The following ANKRD17 variants were observed in gnomAD, a reference collection of about 807,000 sequenced individuals.
The protein encoded by ANKRD17 is ankyrin repeat domain-containing protein 17.
A neutral mutation model predicts 229.7 loss-of-function variants in ANKRD17; 19 were observed. The observed-to-expected ratio is 0.08, with a 90% confidence interval of 0.06 to 0.12. ANKRD17 has a LOEUF of 0.12. Ranked by LOEUF, ANKRD17 falls within the 10% of genes least tolerant of loss-of-function variation. The pLI, the probability that ANKRD17 is intolerant of heterozygous loss-of-function variation, is 1.00. For missense variants in ANKRD17, 2,176 were observed against 3,176.8 expected, an observed-to-expected ratio of 0.68 and a Z score of 7.57; for synonymous variants, 1,112 against 1,146.1, an observed-to-expected ratio of 0.97 and a Z score of 0.60.
At chr4:73,252,748 G>C (rs1483384947) in intron 1 of ANKRD17, among the ~76,000 whole-genome samples, 2 of 152,046 alleles carry the variant, frequency 1.3e-5, no homozygotes. Context: ...CAAGGAATAA[G>C]TGGTAAATCG....
In ANKRD17 at chr4:73,139,589, C is replaced by T; in HGVS notation, c.3027G>A (p.Gly1009=). The change falls in exon 15 of 34, where the codon GGG becomes GGA. Residue 1009 remains glycine, a synonymous_variant. Transcript: ENST00000358602. ...TCTGAGCAGGGCTGGCTACCATTAA[C>T]CCTTGTTGTGTTTCTGTCAGAATTC... ...GQGILTETQQ[G]LMVASPAQTL... 6.2e-7 allele frequency: 1 copy of T among 1,614,174 alleles called. No homozygotes were observed. Among genetic ancestry groups the T allele is most frequent in the African/African-American group, 1.3e-5 (1 of 75,054 alleles).
chr4:73,079,315 A>G (rs1256353692), intron 30 of ANKRD17, among the ~76,000 whole-genome samples: 1 of 152,224 alleles, frequency 6.6e-6, no homozygotes, highest in East Asian at 1.9e-4. Flanking sequence ...AAAGAGATTC[A>G]GCTATCTAAT....
At chr4:73,102,899 C>G (rs1724180716) in intron 24 of ANKRD17, 1 of 198,572 alleles carries the variant, frequency 5.0e-6, no homozygotes, top group Non-Finnish European at 1.0e-5. Context: ...GTTTGAGAAA[C>G]TGAATTCTCT....
At chr4:73,244,101 C>T (rs748812689) in intron 1 of ANKRD17, among the ~76,000 whole-genome samples, 53 of 152,176 alleles carry the variant, frequency 3.5e-4, no homozygotes, top group South Asian at 8.3e-4. Flanking sequence ...CATGTATCTC[C>T]GGTGTCCTGT....
intron 1 of ANKRD17, among the ~76,000 whole-genome samples, chr4:73,178,812 C>T (rs1239728608): frequency 6.6e-6 from 1 of 151,798 alleles, no homozygotes; most frequent in Non-Finnish European, 1.5e-5. Flanking sequence ...TTTGATATTC[C>T]CTATCACAGT....
At chr4:73,149,501 A>G (rs1730717910) in intron 7 of ANKRD17, among the ~76,000 whole-genome samples, 1 of 152,208 alleles carries the variant, frequency 6.6e-6, no homozygotes, top group South Asian at 2.1e-4. Context: ...GGGGAAGGAT[A>G]CATGCTGTGT....
intron 1 of ANKRD17, among the ~76,000 whole-genome samples, chr4:73,243,548 G>T (rs1045421301): frequency 1.3e-5 from 2 of 152,290 alleles, no homozygotes; most frequent in East Asian, 3.9e-4. Context: ...GCTGGTTCAA[G>T]AATGGACACA....
intron 1 of ANKRD17, among the ~76,000 whole-genome samples, chr4:73,226,292 G>A (rs1198922650): frequency 6.7e-6 from 1 of 148,336 alleles, no homozygotes; most frequent in Non-Finnish European, 1.5e-5. Context: ...TTGATTAAAT[G>A]AACAAATTCA....
intron 33 of ANKRD17, 44 bp from the exon 34 acceptor site, chr4:73,076,334 T>C: frequency 2.8e-6 from 4 of 1,411,668 alleles, no homozygotes; most frequent in South Asian, 1.5e-5. Flanking sequence ...ATATCTAGCA[T>C]ATATTTTATT....
chr4:73,146,175 A>G (rs1056677134), intron 10 of ANKRD17, among the ~76,000 whole-genome samples: 1 of 152,112 alleles, frequency 6.6e-6, no homozygotes, highest in East Asian at 1.9e-4. Flanking sequence ...CAACACTGCC[A>G]TATCTATCTT....
At chr4:73,113,764 A>G (rs547320849) in intron 24 of ANKRD17, 28 bp downstream of exon 24, 3 of 1,471,046 alleles carry the variant, frequency 2.0e-6, no homozygotes, top group Admixed American at 3.4e-5. Flanking sequence ...AAAAGTGGGT[A>G]GTTTTCATGT....
chr4:73,097,722 A>C (rs1241030804), intron 26 of ANKRD17, among the ~76,000 whole-genome samples: 1 of 152,188 alleles, frequency 6.6e-6, no homozygotes, highest in Non-Finnish European at 1.5e-5. Flanking sequence ...TATAAGCATG[A>C]GCCATTGCAC....
chr4:73,136,828 C>G (rs1181553816), intron 15 of ANKRD17, among the ~76,000 whole-genome samples: 1 of 151,872 alleles, frequency 6.6e-6, no homozygotes, highest in East Asian at 1.9e-4. Flanking sequence ...GTAGCTTAAA[C>G]AGGATGAACA....
chr4:73,160,497 C>A (rs137927417), intron 3 of ANKRD17, among the ~76,000 whole-genome samples: 2 of 152,064 alleles, frequency 1.3e-5, no homozygotes, highest in Non-Finnish European at 1.5e-5. Context: ...AGATTACAGG[C>A]GTGAGCTACC....
At chr4:73,224,905 G>A (rs1191158311) in intron 1 of ANKRD17, among the ~76,000 whole-genome samples, 2 of 152,136 alleles carry the variant, frequency 1.3e-5, no homozygotes, top group Non-Finnish European at 1.5e-5. Context: ...ACGAATAAGG[G>A]AACCAAGTAT....
Position 73,120,926 on chromosome 4 carries a change from A to C in ANKRD17, c.3804T>G (p.Val1268=). ...TTGCTTTTCTATCAAGCAGAAGACT[A>C]ACCACTTCAGTTCTTCCTTGGAAGC... ...LACFQGRTEV[V]SLLLDRKANV... The change falls in exon 20 of 34, where the codon GTT becomes GTG. Residue 1268 remains valine, a synonymous_variant. Transcript: ENST00000358602. 1.2e-6 allele frequency: 2 copies of C among 1,613,654 alleles called. No individual in the cohort carries two copies. The highest frequency in any genetic ancestry group is 1.7e-6 in the Non-Finnish European group (2 of 1,179,860).
chr4:73,171,415 C>T (rs181160089), intron 2 of ANKRD17, among the ~76,000 whole-genome samples: 14 of 152,252 alleles, frequency 9.2e-5, no homozygotes, highest in African/African-American at 1.9e-4. Flanking sequence ...CAAGTCCCTT[C>T]GACTACTTAG....
At chr4:73,146,722 C>T in intron 10 of ANKRD17, 42 bp downstream of exon 10, 1 of 1,354,668 alleles carries the variant, frequency 7.4e-7, no homozygotes, top group Non-Finnish European at 1.0e-6. Flanking sequence ...AAATTAATTT[C>T]TTATTGTTAA....
intron 1 of ANKRD17, among the ~76,000 whole-genome samples, chr4:73,177,913 A>G (rs1373883380): frequency 1.3e-5 from 2 of 152,196 alleles, no homozygotes; most frequent in Admixed American, 6.6e-5. Context: ...TCAGGACTCA[A>G]TGAAGTACTG....
Sources: gnomAD v4.1 joint callset for allele counts (sites outside exome capture counted in the v4.1 genomes callset) on GRCh38, gnomAD v4.1.1 for gene constraint, MANE v1.5 for transcripts, NCBI Gene and HGNC (gene_info 2026-07-23, HGNC 2026-07-21) for gene names.